CHMP4A: variants seen among roughly 807,000 people sequenced by gnomAD.
CHMP4A encodes the protein charged multivesicular body protein 4A, also known as SNF7 homolog associated with Alix-2.
CHMP4A carries 29 observed loss-of-function variants against 28.2 expected under a neutral mutation model. That is an observed-to-expected ratio of 1.03 (90% CI 0.77 to 1.40). The LOEUF is 1.40. Among genes scored for constraint, CHMP4A ranks in the 40% most tolerant of loss-of-function variants. The pLI, the probability that CHMP4A is intolerant of heterozygous loss-of-function variation, is 0.00. For synonymous variants in CHMP4A, 88 were observed against 99.3 expected (o/e 0.89, Z 0.67); for missense variants, 241 against 263.5 (o/e 0.91, Z 0.59).
At chr14:24,210,074 C>G in intron 5 of CHMP4A, 139 bp from the exon 6 acceptor site, 3 of 878,294 alleles carry the variant, frequency 3.4e-6, no homozygotes, top group Non-Finnish European at 5.5e-6. Flanking sequence ...GGTCCTTCTG[C>G]TTGCTAGGCT....
chr14:24,213,288 C>T, intron 1 of CHMP4A, 121 bp downstream of exon 1: 1 of 1,239,286 alleles, frequency 8.1e-7, no homozygotes, highest in Non-Finnish European at 1.1e-6. Flanking sequence ...GTTTTCCAGT[C>T]AGCCTGTCTC....
In CHMP4A at chr14:24,211,679, CCT is replaced by C. The variant is rs773020898; in HGVS notation, c.180_181del (p.Arg60SerfsTer20). ...CCCCATAGGCTTGTTTCCCTCATTACCTCTCTTATTCTTGGTCCCATACTTCT... is the reference window on the plus strand; with the variant it reads ...CCCCATAGGCTTGTTTCCCTCATTACCTCTTATTCTTGGTCCCATACTTCT... On this transcript the variant is annotated frameshift_variant and splice_region_variant, in exon 2 of 6. Coordinates refer to ENST00000347519, the MANE Select transcript of CHMP4A (RefSeq NM_014169.5). LOFTEE classifies it high-confidence loss of function. The C allele has an allele frequency of 4.3e-6, 7 of 1,613,520 alleles. No individual in the cohort carries two copies. In the African/African-American group the frequency reaches 9.3e-5, roughly 22 times the overall value.
rs910438479 is a variant in CHMP4A at position 24,210,362 on chromosome 14, A to G, written c.596T>C (p.Leu199Pro). The change falls in exon 5 of 6, where the codon CTG becomes CCG. Residue 199 changes from leucine to proline, a missense_variant. By Grantham distance (98) the Leu-to-Pro change is moderately conservative. Transcript: ENST00000347519. ...ACCCTGCATACCTGGCCCTGCCGGC[A>G]GATGAGTAGAAGGTACACTAGGCAA... ...VKLPSVPSTH[L>P]PAGPAPKVDE... The G allele has an allele frequency of 1.8e-5, 29 of 1,614,084 alleles. No individual in the cohort carries two copies. Among genetic ancestry groups the G allele is most frequent in the Non-Finnish European group, 2.5e-5 (29 of 1,179,998 alleles).
chr14:24,211,447 A>C lies in CHMP4A; in HGVS notation c.327T>G (p.Ala109=), dbSNP rs1427418039. Residue 109 remains alanine, a synonymous_variant, in exon 3 of 6, where the codon GCT becomes GCG. Transcript: ENST00000347519. ...GGTAGGCCTTCTTCATGCTTTGGGC[A>C]GCAAGCTCCATGGTACGAAGGACTT... ...NAEVLRTMEL[A]AQSMKKAYQD... is the part of the protein sequence containing the mutation. 6.2e-7 allele frequency: 1 copy of C among 1,611,130 alleles called. No homozygotes were observed. The highest frequency in any genetic ancestry group is 2.2e-5 in the East Asian group (1 of 44,788).
chr14:24,210,171 G>A (rs888911146), intron 5 of CHMP4A, among the ~76,000 whole-genome samples, 177 bp downstream of exon 5: 1 of 151,944 alleles, frequency 6.6e-6, no homozygotes, highest in African/African-American at 2.4e-5. Context: ...CAGGGTACAC[G>A]GCTTGTTGAG....
intron 1 of CHMP4A, 121 bp downstream of exon 1, chr14:24,213,288 C>A: frequency 4.8e-6 from 6 of 1,239,286 alleles, no homozygotes; most frequent in Non-Finnish European, 6.4e-6. Context: ...GTTTTCCAGT[C>A]AGCCTGTCTC....
At chr14:24,211,261 G>T (rs878919014) in intron 3 of CHMP4A, 154 bp downstream of exon 3, 9 of 643,042 alleles carry the variant, frequency 1.4e-5, no homozygotes, top group South Asian at 1.4e-4. Context: ...GGCAGCGAAA[G>T]AATTTTATAG....
At position 24,213,318 on chromosome 14, in the gene CHMP4A, C is replaced by T. The variant is rs543733484; in HGVS notation, c.31+91G>A. ...TGTCTCCTGATTCTCTTCCCCTGCC[C>T]GGCGCAGCGGTCCGGCCGAATCTCG... On this transcript the variant is annotated intron_variant, in intron 1 of 5. Coordinates refer to ENST00000347519, the MANE Select transcript of CHMP4A (RefSeq NM_014169.5). The T allele has an allele frequency of 1.1e-5, 16 of 1,397,096 alleles. No individual in the cohort carries two copies. In the Admixed American group the frequency reaches 3.9e-4, roughly 34 times the overall value. 86.5% of individuals were successfully genotyped at this position (1,397,096 alleles called of 1,614,324 possible).
chr14:24,212,554 A>ATT (rs71119066), intron 1 of CHMP4A: 86 of 316,300 alleles, frequency 2.7e-4, no homozygotes, highest in East Asian at 1.2e-3. Flanking sequence ...TGCCCACCTA[A>ATT]TTTTTTTTTT....
chr14:24,211,353 G>T, intron 3 of CHMP4A, 62 bp downstream of exon 3: 1 of 1,419,668 alleles, frequency 7.0e-7, no homozygotes, highest in Non-Finnish European at 9.7e-7. Flanking sequence ...AAAGTTTAAA[G>T]TGTGATAGCA....
chr14:24,209,922 A>T lies in CHMP4A; in HGVS notation c.624T>A (p.Asp208Glu). ...ACTGCTTTAGTGCTTCTTCATCTTC[A>T]TCCACTTTGGGAGCTTTGAGGACAA... ...HLPAGPAPKV[D>E]EDEEALKQLA... The change falls in exon 6 of 6, where the codon GAT becomes GAA. Residue 208 changes from aspartate (D) to glutamate (E), a missense_variant. Asp to Glu is a conservative substitution (Grantham distance 45). Coordinates refer to ENST00000347519, the MANE Select transcript of CHMP4A (RefSeq NM_014169.5). 1 of 1,614,110 alleles carries T rather than the reference A, an allele frequency of 6.2e-7. No individual in the cohort carries two copies. The highest frequency in any genetic ancestry group is 8.5e-7 in the Non-Finnish European group (1 of 1,179,974).
chr14:24,212,104 T>C (rs2039596760), intron 1 of CHMP4A: 1 of 284,848 alleles, frequency 3.5e-6, no homozygotes, highest in Non-Finnish European at 6.6e-6. Flanking sequence ...CTTTCTTTTT[T>C]TTTCTTTAGG....
At chr14:24,211,316 C>T in intron 3 of CHMP4A, 99 bp downstream of exon 3, 2 of 1,104,804 alleles carry the variant, frequency 1.8e-6, no homozygotes, top group South Asian at 3.2e-5. Flanking sequence ...AGTATCTATA[C>T]TGCAAATTCA....
rs747242236 is a variant in CHMP4A, at chr14:24,211,521, TG to T, written c.252del (p.Thr85ProfsTer29). 8 of 1,614,074 alleles carry T rather than the reference TG, an allele frequency of 5.0e-6. No homozygotes were observed. Among genetic ancestry groups the T allele is most frequent in the Non-Finnish European group, 5.9e-6 (7 of 1,179,984 alleles). On this transcript the variant is annotated frameshift_variant, in exon 3 of 6. Coordinates refer to ENST00000347519, the MANE Select transcript of CHMP4A (RefSeq NM_014169.5). LOFTEE classifies it high-confidence loss of function. ...ATGGCCTCACGCTGAAACTCCAGGG[TG>T]GATAATGTCCCGTCAGTTTGTGCCA... ...QQLAQTDGTL[S>X]TLEFQREAIE...
intron 3 of CHMP4A, 158 bp downstream of exon 3, chr14:24,211,257 G>A (rs527605096): frequency 3.5e-5 from 22 of 622,438 alleles, no homozygotes; most frequent in South Asian, 1.1e-4. Context: ...CCCAGGCAGC[G>A]AAAGAATTTT....
chr14:24,212,301 G>A (rs947988788), intron 1 of CHMP4A, among the ~76,000 whole-genome samples: 8 of 151,950 alleles, frequency 5.3e-5, no homozygotes, highest in Non-Finnish European at 7.4e-5. Context: ...CTCCATGTTG[G>A]TCAGGCTGGT....
rs772306782 is a variant in CHMP4A, at chr14:24,211,602, C to T, written c.182-10G>A. 6.2e-7 allele frequency: 1 copy of T among 1,611,138 alleles called. No homozygotes were observed. The highest frequency in any genetic ancestry group is 1.3e-5 in the African/African-American group (1 of 74,878). The stretch of plus-strand genomic sequence containing the variant: ...AAAGCCTGTAGGGCAGCTGACCCAG[C>T]CCATACCCTGAACATCAAGAGTCAG... On this transcript the variant is annotated splice_polypyrimidine_tract_variant and intron_variant, in intron 2 of 5. Transcript: ENST00000347519.
At chr14:24,212,837 G>A (rs753761326) in intron 1 of CHMP4A, 59 of 158,958 alleles carry the variant, frequency 3.7e-4, no homozygotes, top group South Asian at 7.3e-4. Context: ...AAAGTGCTGG[G>A]ATTACAGGCG....
intron 1 of CHMP4A, 160 bp from the exon 2 acceptor site, chr14:24,211,989 A>C: frequency 5.2e-6 from 3 of 580,982 alleles, no homozygotes; most frequent in Non-Finnish European, 8.7e-6. Flanking sequence ...ATGTGAAAAC[A>C]ACCACAAAGA....
Sources: allele counts gnomAD v4.1 joint callset (sites outside exome capture counted in the v4.1 genomes callset), GRCh38; gene constraint gnomAD v4.1.1; transcripts MANE v1.5; gene names NCBI Gene and HGNC (gene_info 2026-07-23, HGNC 2026-07-21).